The following CELA2B variants were observed in gnomAD, a reference collection of about 807,000 sequenced individuals.
The protein encoded by CELA2B is chymotrypsin-like elastase family member 2B.
In CELA2B, 27 loss-of-function variants were observed where a neutral mutation model predicts 36.5. The ratio of observed to expected loss-of-function variants is 0.74; its 90% confidence interval spans 0.55 to 1.02. The LOEUF is 1.02. CELA2B is among the 50% of genes least tolerant of loss of function. The probability of loss-of-function intolerance (pLI) is 0.00; values close to 1 mark genes in which losing one functional copy is unlikely to be tolerated. For missense variants in CELA2B, 340 were observed against 347.8 expected, an observed-to-expected ratio of 0.98 and a Z score of 0.18; for synonymous variants, 143 against 148.5, an observed-to-expected ratio of 0.96 and a Z score of 0.27.
intron 2 of CELA2B, among the ~76,000 whole-genome samples, 165 bp from the exon 3 acceptor site, chr1:15,480,933 G>A (rs1708731939): frequency 2.0e-5 from 3 of 151,336 alleles, no homozygotes; most frequent in Non-Finnish European, 4.4e-5. Context: ...GCATTAAAAT[G>A]TTTTTTATCT....
chr1:15,479,833 G>A (rs1708719095), intron 2 of CELA2B, among the ~76,000 whole-genome samples: 1 of 152,180 alleles, frequency 6.6e-6, no homozygotes, highest in Non-Finnish European at 1.5e-5. Flanking sequence ...CAGGGAGGAG[G>A]AAGAGCCAGT....
intron 2 of CELA2B, among the ~76,000 whole-genome samples, chr1:15,480,776 A>G (rs1405554793): frequency 6.6e-6 from 1 of 152,046 alleles, no homozygotes; most frequent in East Asian, 1.9e-4. Context: ...CAGCCAAACC[A>G]TATCAGACGG....
rs184117904 is a variant in CELA2B at position 15,483,435 on chromosome 1, G to A, written c.493+35G>A. The A allele has an allele frequency of 5.9e-3, 9,443 of 1,613,150 alleles. 48 individuals carry two copies. The highest frequency in any genetic ancestry group is 7.4e-3 in the Non-Finnish European group (8,674 of 1,179,368). On this transcript the variant is annotated intron_variant, in intron 5 of 7. Coordinates refer to ENST00000375910, the MANE Select transcript of CELA2B (RefSeq NM_015849.3). The stretch of plus-strand genomic sequence containing the variant: ...AGCCAGGAGCCCCCAGGCCTGGGAG[G>A]GAAGGGAGGTGATGTCACCCCTGTC...
At chr1:15,481,745 G>C (rs1178870127) in intron 3 of CELA2B, 1 of 469,664 alleles carries the variant, frequency 2.1e-6, no homozygotes. Flanking sequence ...CGGAGTTTCT[G>C]CCGGGTCAGT....
At chr1:15,482,011 TA>T (rs1708747059) in intron 3 of CELA2B, among the ~76,000 whole-genome samples, 1 of 152,110 alleles carries the variant, frequency 6.6e-6, no homozygotes, top group East Asian at 1.9e-4. Flanking sequence ...CATAATACTA[TA>T]GAGTTTGTGC....
intron 2 of CELA2B, 147 bp from the exon 3 acceptor site, chr1:15,480,951 T>C: frequency 1.3e-6 from 1 of 745,402 alleles, no homozygotes. Flanking sequence ...TCTTCATGGC[T>C]GAGGTTTTGG....
intron 3 of CELA2B, 63 bp from the exon 4 acceptor site, chr1:15,482,202 C>A (rs1366862703): frequency 1.9e-6 from 3 of 1,592,634 alleles, no homozygotes; most frequent in African/African-American, 2.7e-5. Flanking sequence ...TGGGTCTATC[C>A]CTAGCATTAT....
intron 7 of CELA2B, among the ~76,000 whole-genome samples, chr1:15,490,245 TATCTATC>T (rs1708862866): frequency 1.4e-5 from 2 of 143,098 alleles, no homozygotes; most frequent in Admixed American, 1.4e-4. Flanking sequence ...TCTATCTATC[TATCTATC>T]TATCTATATA....
intron 1 of CELA2B, 133 bp from the exon 2 acceptor site, chr1:15,476,324 A>C (rs1427582097): frequency 1.4e-6 from 2 of 1,403,904 alleles, no homozygotes; most frequent in African/African-American, 2.9e-5. Context: ...TGGAGCAAAC[A>C]GAAGGATTTT....
chr1:15,476,385 G>T, intron 1 of CELA2B, 72 bp from the exon 2 acceptor site: 1 of 1,507,536 alleles, frequency 6.6e-7, no homozygotes, highest in South Asian at 1.1e-5. Flanking sequence ...TGGGGGTTCA[G>T]AATGCAGCAT....
intron 2 of CELA2B, 78 bp downstream of exon 2, chr1:15,476,623 G>A (rs185079918): frequency 6.2e-5 from 85 of 1,371,790 alleles, no homozygotes; most frequent in African/African-American, 3.6e-4. Flanking sequence ...CCACCATGGC[G>A]TCTATTGTGC....
chr1:15,480,149 T>C (rs918197837), intron 2 of CELA2B, among the ~76,000 whole-genome samples: 4 of 151,952 alleles, frequency 2.6e-5, no homozygotes, highest in Admixed American at 6.6e-5. Context: ...GAGAGGGTGA[T>C]TGCGACACAC....
At position 15,487,532 on chromosome 1, in the gene CELA2B, T is replaced by C. The variant is rs1570812621; in HGVS notation, c.792+95T>C. ...ACCTGGCGACTGAGAACCCCCTCCT[T>C]CCTCTTGAGAGCTAGATGGGAACCC... On this transcript the variant is annotated intron_variant, in intron 7 of 7. Transcript: ENST00000375910. The C allele has an allele frequency of 6.7e-6, 10 of 1,499,600 alleles. No individual in the cohort carries two copies. The East Asian group carries it at 1.1e-4, about 17-fold the overall frequency. The allele number at this position is 1,499,600 out of a possible 1,614,324, so 92.9% of individuals were successfully genotyped here. A position where few individuals can be genotyped will look rare whatever the true frequency, so the allele number is the denominator to read the frequency against.
intron 4 of CELA2B, 55 bp downstream of exon 4, chr1:15,482,448 G>T (rs143911244): frequency 5.0e-6 from 8 of 1,610,392 alleles, no homozygotes; most frequent in Admixed American, 1.7e-5. Context: ...ACAGATGGGG[G>T]TCTCACAGAG....
chr1:15,483,461 C>T (rs189924451), intron 5 of CELA2B, 61 bp downstream of exon 5: 436 of 1,609,754 alleles, frequency 2.7e-4, no homozygotes, highest in Non-Finnish European at 3.4e-4. Flanking sequence ...CACCCCTGTC[C>T]GGCCAGGGCC....
At chr1:15,483,470 C>T (rs535516211) in intron 5 of CELA2B, 70 bp downstream of exon 5, 1 of 1,605,474 alleles carries the variant, frequency 6.2e-7, no homozygotes, top group East Asian at 2.2e-5. Flanking sequence ...CCGGCCAGGG[C>T]CTCTCACCTC....
At chr1:15,491,174 A>C (rs1487051160) in intron 7 of CELA2B, 121 bp from the exon 8 acceptor site, 4 of 1,059,446 alleles carry the variant, frequency 3.8e-6, no homozygotes, top group Non-Finnish European at 5.9e-6. Flanking sequence ...GAGCTACTGT[A>C]GTGTGGGCTG....
chr1:15,490,271 CACACAT>C (rs1262946926), intron 7 of CELA2B, among the ~76,000 whole-genome samples: 1 of 141,570 alleles, frequency 7.1e-6, no homozygotes, highest in Admixed American at 7.2e-5. Context: ...TACACACACA[CACACAT>C]AGACACTGTC....
intron 2 of CELA2B, among the ~76,000 whole-genome samples, chr1:15,478,531 C>CCA (rs1557523363): frequency 6.8e-6 from 1 of 146,390 alleles, no homozygotes; most frequent in Non-Finnish European, 1.5e-5. Context: ...GTGTGAACCA[C>CCA]CACACCCAGC....
Sources: allele counts gnomAD v4.1 joint callset (sites outside exome capture counted in the v4.1 genomes callset), GRCh38; gene constraint gnomAD v4.1.1; transcripts MANE v1.5; gene names NCBI Gene and HGNC (gene_info 2026-07-23, HGNC 2026-07-21).